The following SLC25A37 variants were observed in gnomAD, a reference collection of about 807,000 sequenced individuals.
The protein encoded by SLC25A37 is solute carrier family 25 member 37.
SLC25A37 carries 17 observed loss-of-function variants against 31.0 expected under a neutral mutation model. That is an observed-to-expected ratio of 0.55 (90% CI 0.38 to 0.82). The LOEUF (loss-of-function observed/expected upper bound fraction) is 0.82, where lower values mean the gene tolerates loss of function less well. Among genes scored for constraint, SLC25A37 ranks in the 40% least tolerant of loss-of-function variants. SLC25A37 has a pLI of 0.00. For missense variants in SLC25A37, 404 were observed against 465.8 expected, an observed-to-expected ratio of 0.87 and a Z score of 1.22; for synonymous variants, 222 against 193.0, an observed-to-expected ratio of 1.15 and a Z score of -1.24.
Position 23,529,255 on chromosome 8 carries a change from G to C in SLC25A37, c.210+43G>C. The C allele has an allele frequency of 6.4e-7, 1 of 1,558,414 alleles. No individual in the cohort carries two copies. The highest frequency in any genetic ancestry group is 8.7e-7 in the Non-Finnish European group (1 of 1,151,212). Reference sequence around the variant, plus strand: ...TTCGGGGACGCAACGAGCGGAGAAGGAGCGCGCGCGCGCATTTGCATCCCG... The same window carrying C: ...TTCGGGGACGCAACGAGCGGAGAAGCAGCGCGCGCGCGCATTTGCATCCCG... On this transcript the variant is annotated intron_variant, in intron 1 of 3. Coordinates refer to ENST00000519973, the MANE Select transcript of SLC25A37 (RefSeq NM_016612.4). The surrounding 1 kb of genome is among the most constrained non-coding windows in gnomAD (Gnocchi z 4.1).
chr8:23,562,337 T>A (rs7833754), intron 1 of SLC25A37, among the ~76,000 whole-genome samples: 2 of 152,034 alleles, frequency 1.3e-5, no homozygotes, highest in Admixed American at 1.3e-4. Context: ...TTTGCATTGA[T>A]GTGAAAAGGT....
intron 1 of SLC25A37, among the ~76,000 whole-genome samples, chr8:23,549,385 TCTCA>T (rs1322211420): frequency 6.6e-6 from 1 of 152,166 alleles, no homozygotes; most frequent in Non-Finnish European, 1.5e-5. Context: ...AGCGTAAAAA[TCTCA>T]CTCATGATGG....
rs866780578 is a variant in SLC25A37 at position 23,546,608 on chromosome 8, G to A, written c.210+17396G>A. On this transcript the variant is annotated intron_variant, in intron 1 of 3. Coordinates refer to ENST00000519973, the MANE Select transcript of SLC25A37 (RefSeq NM_016612.4). ...GTGTATATATATATAGTGTATGTGTGTGTGTGTGTGTGTATATATATATAT... is the reference window on the plus strand; with the variant it reads ...GTGTATATATATATAGTGTATGTGTATGTGTGTGTGTGTATATATATATAT... Among the ~76,000 whole-genome samples the A allele has an allele frequency of 1.7e-3, 149 of 87,608 alleles. 11 individuals are homozygous for A. The East Asian group carries it at 0.027, about 16-fold the overall frequency. 57.5% of individuals were successfully genotyped at this position (87,608 alleles called of 152,430 possible). A position where few individuals can be genotyped will look rare whatever the true frequency, so the allele number is the denominator to read the frequency against.
intron 1 of SLC25A37, among the ~76,000 whole-genome samples, chr8:23,553,868 C>CT (rs1802294971): frequency 6.6e-6 from 1 of 152,092 alleles, no homozygotes; most frequent in African/African-American, 2.4e-5. Flanking sequence ...AGACACAGTC[C>CT]TCAGGGGTTT....
intron 1 of SLC25A37, among the ~76,000 whole-genome samples, chr8:23,530,948 A>G (rs1416663694): frequency 1.3e-5 from 2 of 152,130 alleles, no homozygotes; most frequent in African/African-American, 2.4e-5. Flanking sequence ...TGCCCCATAC[A>G]TGTTGATATG....
chr8:23,558,668 A>T (rs1176944296), intron 1 of SLC25A37, among the ~76,000 whole-genome samples: 2 of 152,226 alleles, frequency 1.3e-5, no homozygotes, highest in African/African-American at 4.8e-5. Flanking sequence ...ATGCAGATAC[A>T]GACAGAGTTC....
chr8:23,529,953 T>G lies in SLC25A37; in HGVS notation c.210+741T>G, dbSNP rs1432862463. On this transcript the variant is annotated intron_variant, in intron 1 of 3. Transcript: ENST00000519973. This position sits in a 1 kb window ranked among gnomAD's most constrained non-coding sequence, Gnocchi z 4.1. ...TTGCTGTGGATTGTGTGAGAGGCACTCAGTTTCCTTTAAACCCTGTCTGTC... is the reference window on the plus strand; with the variant it reads ...TTGCTGTGGATTGTGTGAGAGGCACGCAGTTTCCTTTAAACCCTGTCTGTC... 6.6e-6 allele frequency among the ~76,000 whole-genome samples: 1 copy of G among 152,114 alleles called. No homozygotes were observed. Among genetic ancestry groups the G allele is most frequent in the African/African-American group, 2.4e-5 (1 of 41,422 alleles).
chr8:23,571,204 T>A, intron 3 of SLC25A37, 131 bp from the exon 4 acceptor site: 1 of 1,111,988 alleles, frequency 9.0e-7, no homozygotes, highest in Non-Finnish European at 1.2e-6. Context: ...GTGCTGGCTC[T>A]CGCCTGTTTC....
At chr8:23,540,289 A>G (rs1402037586) in intron 1 of SLC25A37, among the ~76,000 whole-genome samples, 1 of 152,214 alleles carries the variant, frequency 6.6e-6, no homozygotes, top group African/African-American at 2.4e-5. Flanking sequence ...GGAGCAAGCC[A>G]GTAGGATGTT....
intron 1 of SLC25A37, among the ~76,000 whole-genome samples, chr8:23,532,299 T>C (rs1003567284): frequency 6.6e-6 from 1 of 152,196 alleles, no homozygotes; most frequent in African/African-American, 2.4e-5. Context: ...AGCAAAGTGA[T>C]ACCCAGGGAG....
rs1802922316 is a variant in SLC25A37 at position 23,573,814 on chromosome 8, C to T, written c.*1959C>T. ...TCCCATCTGGCAGTTAACGCCTTCT[C>T]CCTGCTCTGCCCCCCACTCCCCAAA... is the stretch of plus-strand genomic sequence containing the variant. On this transcript the variant is annotated 3_prime_UTR_variant, in exon 4 of 4. Transcript: ENST00000519973. 2.2e-6 allele frequency: 1 copy of T among 456,706 alleles called. No individual in the cohort carries two copies. Among genetic ancestry groups the T allele is most frequent in the East Asian group, 7.0e-5 (1 of 14,376 alleles). 28.3% of individuals were successfully genotyped at this position (456,706 alleles called of 1,614,324 possible). A position where few individuals can be genotyped will look rare whatever the true frequency, so the allele number is the denominator to read the frequency against.
rs138301396 is a variant in SLC25A37, at chr8:23,565,930, T to C, written c.211-178T>C. On this transcript the variant is annotated intron_variant, in intron 1 of 3. Coordinates refer to ENST00000519973, the MANE Select transcript of SLC25A37 (RefSeq NM_016612.4). ...TGAAATGTACGTGCACACATTCATGTAGATTTCATTATGTCCATGTAGAAT... is the reference window on the plus strand; with the variant it reads ...TGAAATGTACGTGCACACATTCATGCAGATTTCATTATGTCCATGTAGAAT... 8.7e-4 allele frequency among the ~76,000 whole-genome samples: 133 copies of C among 152,364 alleles called. 1 individual carries two copies. Among genetic ancestry groups the C allele is most frequent in the African/African-American group, 3.1e-3 (128 of 41,584 alleles).
chr8:23,566,648 C>A, intron 2 of SLC25A37: 6 of 1,080,544 alleles, frequency 5.6e-6, no homozygotes, highest in Non-Finnish European at 3.4e-6. Context: ...TTTAAACATT[C>A]AAAAGCAATT....
intron 1 of SLC25A37, chr8:23,531,876 A>C (rs1210919727): frequency 6.6e-5 from 10 of 152,224 alleles, no homozygotes; most frequent in Admixed American, 6.5e-4. Context: ...ATGGTGGGCC[A>C]TGACCCATTA....
intron 1 of SLC25A37, among the ~76,000 whole-genome samples, chr8:23,553,581 A>G (rs998041852): frequency 9.2e-5 from 14 of 152,332 alleles, no homozygotes; most frequent in East Asian, 7.7e-4. Flanking sequence ...CAGTGAATTC[A>G]GTTCTCTCTT....
chr8:23,568,273 C>G, intron 2 of SLC25A37, 49 bp from the exon 3 acceptor site: 1 of 1,608,310 alleles, frequency 6.2e-7, no homozygotes, highest in Non-Finnish European at 8.5e-7. Context: ...CAGGAACTTC[C>G]TGAGAACACC....
chr8:23,572,412 T>C lies in SLC25A37; in HGVS notation c.*557T>C, dbSNP rs1269562019. 1 of 152,602 alleles carries C rather than the reference T, an allele frequency of 6.6e-6. No individual in the cohort carries two copies. The highest frequency in any genetic ancestry group is 2.4e-5 in the African/African-American group (1 of 41,370). The allele number at this position is 152,602 out of a possible 1,614,324, so 9.5% of individuals were successfully genotyped here. A position where few individuals can be genotyped will look rare whatever the true frequency, so the allele number is the denominator to read the frequency against. On this transcript the variant is annotated 3_prime_UTR_variant, in exon 4 of 4. Transcript: ENST00000519973. ...GCTGTTTTTGTTGTTGTTATGTTTTTAAGAGGGTTGAATTCTTCCATCAGG... is the reference window on the plus strand; with the variant it reads ...GCTGTTTTTGTTGTTGTTATGTTTTCAAGAGGGTTGAATTCTTCCATCAGG...
At chr8:23,542,699 A>C (rs4872148) in intron 1 of SLC25A37, among the ~76,000 whole-genome samples, 42,309 of 117,040 alleles carry the variant, frequency 0.36, 7,770 homozygotes, top group East Asian at 0.6. Context: ...TTTTTTTTTT[A>C]AGTTAATTGT....
chr8:23,549,710 C>CG (rs763625263), intron 1 of SLC25A37, among the ~76,000 whole-genome samples: 10 of 141,050 alleles, frequency 7.1e-5, no homozygotes, highest in South Asian at 4.3e-4. Flanking sequence ...TGGTTAGTCA[C>CG]TATCAAGTTA....
Sources: gnomAD v4.1 joint callset for allele counts (sites outside exome capture counted in the v4.1 genomes callset) on GRCh38, gnomAD v4.1.1 for gene constraint, Gnocchi (gnomAD v3.1) non-coding constraint, MANE v1.5 for transcripts, NCBI Gene and HGNC (gene_info 2026-07-23, HGNC 2026-07-21) for gene names.